The following NLGN1 variants were observed in gnomAD, a reference collection of about 807,000 sequenced individuals.
NLGN1 encodes neuroligin 1, also known as neuroligin-1.
In NLGN1, 12 loss-of-function variants were observed where a neutral mutation model predicts 65.5. That is an observed-to-expected ratio of 0.18 (90% CI 0.12 to 0.30). The LOEUF is 0.30. Ranked by LOEUF, NLGN1 falls within the 10% of genes least tolerant of loss-of-function variation. NLGN1 has a pLI of 1.00. For synonymous variants in NLGN1, 350 were observed against 359.5 expected (o/e 0.97, Z 0.30); for missense variants, 750 against 1,007.1 (o/e 0.74, Z 3.46).
chr3:173,897,104 C>T (rs1487341994), intron 4 of NLGN1, among the ~76,000 whole-genome samples: 1 of 152,140 alleles, frequency 6.6e-6, no homozygotes, highest in Non-Finnish European at 1.5e-5. Flanking sequence ...TCAAATTTAG[C>T]TACTTTCTTC....
intron 4 of NLGN1, among the ~76,000 whole-genome samples, chr3:174,135,098 G>A (rs1465697215): frequency 2.0e-5 from 3 of 152,100 alleles, no homozygotes; most frequent in East Asian, 3.9e-4. Context: ...ATCATCCCAC[G>A]TGTAACACTA....
chr3:173,928,718 C>G (rs1195668496), intron 4 of NLGN1, among the ~76,000 whole-genome samples: 1 of 146,362 alleles, frequency 6.8e-6, no homozygotes, highest in Non-Finnish European at 1.5e-5. Context: ...GTTGCCCAGG[C>G]TGGAGTACAA....
Position 174,267,319 on chromosome 3 carries a change from T to G in NLGN1, c.647-7996T>G, listed in dbSNP as rs139182884. Among the ~76,000 whole-genome samples, 914 of 152,032 alleles carry G rather than the reference T, an allele frequency of 6.0e-3. 24 individuals carry two copies. The highest frequency in any genetic ancestry group is 0.03 in the East Asian group (156 of 5,154). ...AGGAACCATTGTGTCATATGAGGAGTGGAACAAGCCATTCATGAAGGATCT... is the reference window on the plus strand; with the variant it reads ...AGGAACCATTGTGTCATATGAGGAGGGGAACAAGCCATTCATGAAGGATCT... On this transcript the variant is annotated intron_variant, in intron 4 of 6. Transcript: ENST00000457714.
intron 2 of NLGN1, among the ~76,000 whole-genome samples, chr3:173,464,516 A>G (rs1417435926): frequency 1.4e-5 from 2 of 139,520 alleles, no homozygotes. Flanking sequence ...GCTCACTGTC[A>G]CCTCTGCCTC....
rs9860623 is a variant in NLGN1, at chr3:173,486,636, C to G, written c.-321+51558C>G. The stretch of plus-strand genomic sequence containing the variant: ...CTCTGAGTCACTGCACCTCTTAGGA[C>G]AGGCATTATTTAGCTCAAGGAAATG... On this transcript the variant is annotated intron_variant, in intron 2 of 6. Transcript: ENST00000457714. 9.0e-3 allele frequency among the ~76,000 whole-genome samples: 1,369 copies of G among 152,232 alleles called. 23 individuals carry two copies. Among genetic ancestry groups the G allele is most frequent in the African/African-American group, 0.032 (1,320 of 41,530 alleles).
At chr3:174,273,876 T>C (rs1749976758) in intron 4 of NLGN1, among the ~76,000 whole-genome samples, 1 of 151,536 alleles carries the variant, frequency 6.6e-6, no homozygotes, top group African/African-American at 2.4e-5. Context: ...ACAATGATCC[T>C]AGAGAATTTC....
Position 173,435,124 on chromosome 3 carries a change from A to G in NLGN1, c.-321+46A>G, listed in dbSNP as rs79150139. 3.9e-5 allele frequency: 6 copies of G among 152,754 alleles called. No individual in the cohort carries two copies. In the East Asian group the frequency reaches 1.2e-3, roughly 29 times the overall value. The allele number at this position is 152,754 out of a possible 1,614,324, so 9.5% of individuals were successfully genotyped here. On this transcript the variant is annotated intron_variant, in intron 2 of 6. Coordinates refer to ENST00000457714, the Ensembl canonical transcript of NLGN1. ...TTCCTTTCAATCACTGAAGTGTTAGAAAAGTAGTAACAAAAGCTCCCACGG... is the reference window on the plus strand; with the variant it reads ...TTCCTTTCAATCACTGAAGTGTTAGGAAAGTAGTAACAAAAGCTCCCACGG...
chr3:173,790,156 A>G (rs959337482), intron 3 of NLGN1, among the ~76,000 whole-genome samples: 2 of 152,048 alleles, frequency 1.3e-5, no homozygotes. Flanking sequence ...TCAAATATAT[A>G]TATGTGTGTA....
intron 2 of NLGN1, among the ~76,000 whole-genome samples, chr3:173,439,429 A>G (rs1718745377): frequency 6.6e-6 from 1 of 152,012 alleles, no homozygotes. Context: ...TTCCCATAAA[A>G]TGTGTCCCAA....
chr3:173,944,125 G>GTC (rs1560693220), intron 4 of NLGN1, among the ~76,000 whole-genome samples: 228 of 36,566 alleles, frequency 6.2e-3, no homozygotes, highest in African/African-American at 0.032. Context: ...AATATTATGG[G>GTC]TGTGTGTGTG....
chr3:174,085,818 A>G (rs527248556), intron 4 of NLGN1, among the ~76,000 whole-genome samples: 1 of 152,150 alleles, frequency 6.6e-6, no homozygotes, highest in South Asian at 2.1e-4. Flanking sequence ...ACTTTTTTAA[A>G]TGAGCTATTC....
intron 3 of NLGN1, among the ~76,000 whole-genome samples, chr3:173,750,963 A>G (rs944426381): frequency 2.0e-5 from 3 of 152,228 alleles, no homozygotes; most frequent in Middle Eastern, 3.4e-3. Flanking sequence ...AGGTAGTTGT[A>G]TCCAAAAAAT....
chr3:174,261,623 G>A (rs879689748), intron 4 of NLGN1, among the ~76,000 whole-genome samples: 2,360 of 122,750 alleles, frequency 0.019, 47 homozygotes, highest in East Asian at 0.17. Context: ...CAATCATGTC[G>A]TCTGCAAACA....
In NLGN1 at chr3:173,881,117, G is replaced by C. The variant is rs1387191350; in HGVS notation, c.646+73285G>C. 1.1e-4 allele frequency among the ~76,000 whole-genome samples: 11 copies of C among 100,962 alleles called. No homozygotes were observed. The East Asian group carries it at 3.4e-3, about 31-fold the overall frequency. The allele number at this position is 100,962 out of a possible 152,430, so 66.2% of individuals were successfully genotyped here. On this transcript the variant is annotated intron_variant, in intron 4 of 6. Transcript: ENST00000457714. ...TTTTTTTTTTTTTTTTTTTTTTTGA[G>C]ACAGAGCTTTTGCTCTTGTCACCCA...
chr3:173,531,598 G>C (rs1736584174), intron 2 of NLGN1, among the ~76,000 whole-genome samples: 1 of 86,738 alleles, frequency 1.2e-5, no homozygotes. Flanking sequence ...CACTTCTATG[G>C]AAATCATGTT....
intron 4 of NLGN1, among the ~76,000 whole-genome samples, chr3:174,263,268 A>T (rs1392395641): frequency 6.8e-6 from 1 of 146,580 alleles, no homozygotes. Flanking sequence ...GATCTGTCTA[A>T]TGTTGACAGT....
chr3:174,003,236 C>G (rs1723665249), intron 4 of NLGN1, among the ~76,000 whole-genome samples: 1 of 152,052 alleles, frequency 6.6e-6, no homozygotes, highest in Non-Finnish European at 1.5e-5. Context: ...GTGACTATTG[C>G]AAAGGTTATT....
chr3:173,830,833 T>C (rs1007048869), intron 4 of NLGN1, among the ~76,000 whole-genome samples: 2 of 152,324 alleles, frequency 1.3e-5, no homozygotes, highest in East Asian at 1.9e-4. Flanking sequence ...GGAGGAATCA[T>C]GTGAATAACT....
intron 2 of NLGN1, among the ~76,000 whole-genome samples, chr3:173,490,914 A>G (rs982074330): frequency 2.0e-5 from 3 of 151,308 alleles, no homozygotes; most frequent in Admixed American, 6.6e-5. Flanking sequence ...TTGGTGTATA[A>G]GAATGCTTGT....
Sources: allele counts gnomAD v4.1 joint callset (sites outside exome capture counted in the v4.1 genomes callset), GRCh38; gene constraint gnomAD v4.1.1; transcripts MANE v1.5; gene names NCBI Gene and HGNC (gene_info 2026-07-23, HGNC 2026-07-21).